The following LCLAT1 variants were observed in gnomAD, a reference collection of about 807,000 sequenced individuals.
LCLAT1 encodes the protein lysocardiolipin acyltransferase 1, also known as 1-AGP acyltransferase 8.
Under a neutral mutation model 30.7 loss-of-function variants are expected in LCLAT1, and 11 were observed. The observed-to-expected ratio is 0.36, with a 90% confidence interval of 0.23 to 0.59. The LOEUF (loss-of-function observed/expected upper bound fraction) is 0.59. Among genes scored for constraint, LCLAT1 ranks in the 20% least tolerant of loss-of-function variants. The pLI is 0.77. For synonymous variants in LCLAT1, 155 were observed against 151.3 expected (o/e 1.02, Z -0.18); for missense variants, 402 against 458.6 (o/e 0.88, Z 1.13).
intron 5 of LCLAT1, among the ~76,000 whole-genome samples, chr2:30,601,096 G>A (rs1232422673): frequency 2.0e-5 from 3 of 152,094 alleles, no homozygotes; most frequent in Non-Finnish European, 4.4e-5. Flanking sequence ...ACTTGTGGTT[G>A]CATTGTGAAG....
At chr2:30,615,325 C>T (rs1052457051) in intron 5 of LCLAT1, among the ~76,000 whole-genome samples, 1 of 152,018 alleles carries the variant, frequency 6.6e-6, no homozygotes, top group Non-Finnish European at 1.5e-5. Context: ...TATGAACTCA[C>T]ACAGTAGTAG....
chr2:30,594,539 C>T lies in LCLAT1; in HGVS notation c.628+26363C>T, dbSNP rs142701900. ...TTTATTGCTGTTTCATTTAGCTCTG[C>T]GTGACTAAGATTCCTTTAATTGTGT... On this transcript the variant is annotated intron_variant, in intron 5 of 5. Coordinates refer to ENST00000379509, the MANE Select transcript of LCLAT1 (RefSeq NM_001002257.3). Among the ~76,000 whole-genome samples, 9 of 152,202 alleles carry T rather than the reference C, an allele frequency of 5.9e-5. No homozygotes were observed. In the East Asian group the frequency reaches 7.7e-4, roughly 13 times the overall value.
At chr2:30,633,820 A>G (rs931600628) in intron 5 of LCLAT1, among the ~76,000 whole-genome samples, 2 of 152,372 alleles carry the variant, frequency 1.3e-5, no homozygotes, top group South Asian at 2.1e-4. Context: ...TCATTGAACT[A>G]TATAATTGGA....
chr2:30,583,688 A>G (rs1666301778), intron 5 of LCLAT1, among the ~76,000 whole-genome samples: 1 of 152,146 alleles, frequency 6.6e-6, no homozygotes, highest in Non-Finnish European at 1.5e-5. Context: ...AAGAAAATGA[A>G]TCTTGACGAG....
At chr2:30,496,968 C>G (rs143707460) in intron 1 of LCLAT1, among the ~76,000 whole-genome samples, 1 of 152,328 alleles carries the variant, frequency 6.6e-6, no homozygotes, top group Admixed American at 6.5e-5. Flanking sequence ...CTTGTTATAG[C>G]TTTCATAGCC....
intron 5 of LCLAT1, among the ~76,000 whole-genome samples, chr2:30,580,218 G>T (rs1437275485): frequency 6.6e-6 from 1 of 152,120 alleles, no homozygotes; most frequent in East Asian, 1.9e-4. Flanking sequence ...TCTGTGTATG[G>T]TTGTAAATGG....
rs1669260768 is a variant in LCLAT1, at chr2:30,640,689, A to G, written c.*70A>G. 5 of 1,501,502 alleles carry G rather than the reference A, an allele frequency of 3.3e-6. No homozygotes were observed. The highest frequency in any genetic ancestry group is 4.4e-6 in the Non-Finnish European group (5 of 1,126,112). The allele number at this position is 1,501,502 out of a possible 1,614,324, so 93.0% of individuals were successfully genotyped here. The stretch of plus-strand genomic sequence containing the variant: ...ATGTTCTAAACCTTTCTAAGCTCAG[A>G]TGCATTTTTGCATGACTATGTCGAA... On this transcript the variant is annotated 3_prime_UTR_variant, in exon 6 of 6. Transcript: ENST00000379509.
At chr2:30,533,347 A>G in intron 3 of LCLAT1, 33 bp downstream of exon 3, 2 of 1,573,466 alleles carry the variant, frequency 1.3e-6, no homozygotes, top group South Asian at 1.1e-5. Context: ...TAAGTGGTTC[A>G]TTCATTTTAG....
At chr2:30,457,499 CT>C (rs1681890726) in intron 1 of LCLAT1, among the ~76,000 whole-genome samples, 1 of 152,188 alleles carries the variant, frequency 6.6e-6, no homozygotes, top group Non-Finnish European at 1.5e-5. Context: ...TATTCTTGCC[CT>C]TTTACATGCA....
chr2:30,561,294 C>A (rs893991402), intron 3 of LCLAT1, among the ~76,000 whole-genome samples: 2 of 152,070 alleles, frequency 1.3e-5, no homozygotes, highest in African/African-American at 4.8e-5. Flanking sequence ...TTGGTCTGTC[C>A]ATTTGACTGT....
intron 5 of LCLAT1, among the ~76,000 whole-genome samples, chr2:30,604,622 A>G (rs1667341629): frequency 7.0e-6 from 1 of 142,130 alleles, no homozygotes; most frequent in Admixed American, 7.6e-5. Context: ...AGATCGTGCC[A>G]CTGCACTCCA....
At chr2:30,479,169 G>T (rs1683202135) in intron 1 of LCLAT1, among the ~76,000 whole-genome samples, 1 of 152,138 alleles carries the variant, frequency 6.6e-6, no homozygotes, top group African/African-American at 2.4e-5. Context: ...GAATCTCACA[G>T]ACATGTTGAA....
intron 5 of LCLAT1, among the ~76,000 whole-genome samples, chr2:30,603,694 G>A (rs1254183386): frequency 6.6e-6 from 1 of 152,116 alleles, no homozygotes; most frequent in Admixed American, 6.6e-5. Flanking sequence ...GAATCTCCAG[G>A]ATTATTATGT....
chr2:30,640,305 AAAG>A lies in LCLAT1; in HGVS notation c.822_824del (p.Glu275del). 1.2e-6 allele frequency: 2 copies of A among 1,614,202 alleles called. No individual in the cohort carries two copies. The highest frequency in any genetic ancestry group is 1.7e-6 in the Non-Finnish European group (2 of 1,180,028). On this transcript the variant is annotated inframe_deletion, in exon 6 of 6. Coordinates refer to ENST00000379509, the MANE Select transcript of LCLAT1 (RefSeq NM_001002257.3). Reference sequence around the variant, plus strand: ...CTGGTGCCACAAACGGTGGGAAGAGAAAGAAGAGAGGCTGCGTTCCTTCTATCA... The same window carrying A: ...CTGGTGCCACAAACGGTGGGAAGAGAAAGAGAGGCTGCGTTCCTTCTATCA...
chr2:30,640,829 C>G lies in LCLAT1; in HGVS notation c.*210C>G, dbSNP rs1229883217. ...TGTAATTTCGATACTGTGTACATAG[C>G]AGGGAGTGATCGGGGTGAAATAACT... On this transcript the variant is annotated 3_prime_UTR_variant, in exon 6 of 6. Coordinates refer to ENST00000379509, the MANE Select transcript of LCLAT1 (RefSeq NM_001002257.3). The G allele has an allele frequency of 3.8e-6, 2 of 533,102 alleles. No individual in the cohort carries two copies. The highest frequency in any genetic ancestry group is 6.4e-6 in the Non-Finnish European group (2 of 312,934). The allele number at this position is 533,102 out of a possible 1,614,324, so 33.0% of individuals were successfully genotyped here.
intron 2 of LCLAT1, 54 bp downstream of exon 2, chr2:30,525,809 CT>C (rs1374029238): frequency 8.2e-6 from 12 of 1,470,364 alleles, no homozygotes; most frequent in East Asian, 2.3e-5. Flanking sequence ...CTCCCCACCC[CT>C]GATAGATACC....
At chr2:30,499,458 G>A (rs1468971716) in intron 1 of LCLAT1, among the ~76,000 whole-genome samples, 1 of 152,098 alleles carries the variant, frequency 6.6e-6, no homozygotes, top group Non-Finnish European at 1.5e-5. Context: ...CTGGGATTAC[G>A]GGAGTGAGCC....
At chr2:30,529,226 C>G (rs915413320) in intron 2 of LCLAT1, among the ~76,000 whole-genome samples, 5 of 152,154 alleles carry the variant, frequency 3.3e-5, no homozygotes, top group African/African-American at 1.2e-4. Context: ...TTAAGTTTCT[C>G]TTGTGGATTA....
chr2:30,522,912 C>G (rs1456835619), intron 1 of LCLAT1, among the ~76,000 whole-genome samples: 2 of 152,312 alleles, frequency 1.3e-5, no homozygotes, highest in South Asian at 2.1e-4. Context: ...GTCTTCTTAA[C>G]TCTCCTGAGC....
Sources: allele counts gnomAD v4.1 joint callset (sites outside exome capture counted in the v4.1 genomes callset), GRCh38; gene constraint gnomAD v4.1.1; transcripts MANE v1.5; gene names NCBI Gene and HGNC (gene_info 2026-07-23, HGNC 2026-07-21).